The following OR2T27 variants were observed in gnomAD, a reference collection of about 807,000 sequenced individuals.
OR2T27 encodes olfactory receptor 2T27.
For synonymous variants in OR2T27, 51 were observed against 152.9 expected, an observed-to-expected ratio of 0.33 and a Z score of 4.92; for missense variants, 152 against 397.2, an observed-to-expected ratio of 0.38 and a Z score of 5.25.
rs1938148 is a variant in OR2T27 at position 248,650,042 on chromosome 1, A to G, written c.843T>C (p.Leu281=). ...DKAVSAFYTI[L]TPMLNPLIYS... The stretch of plus-strand genomic sequence containing the variant: ...AAATGAGTGGATTGAGCATGGGAGT[A>G]AGGATGGTGTAGAAGGCAGATACAG... Residue 281 remains leucine, a synonymous_variant, in exon 2 of 2, where the codon CTT becomes CTC. Transcript: ENST00000460972. 0.013 allele frequency: 19,383 copies of G among 1,480,334 alleles called. 2,249 individuals carry two copies. In the African/African-American group the frequency reaches 0.2, roughly 15 times the overall value. 91.7% of individuals were successfully genotyped at this position (1,480,334 alleles called of 1,614,324 possible). A position where few individuals can be genotyped will look rare whatever the true frequency, so the allele number is the denominator to read the frequency against.
At chr1:248,655,268 T>C (rs1425399234) in intron 1 of OR2T27, among the ~76,000 whole-genome samples, 176 bp downstream of exon 1, 3 of 128,110 alleles carry the variant, frequency 2.3e-5, no homozygotes, top group Non-Finnish European at 3.5e-5. Context: ...AGAAACGAGA[T>C]TGAATTATCT....
Position 248,649,861 on chromosome 1 carries a change from T to C in OR2T27, c.*70A>G. On this transcript the variant is annotated 3_prime_UTR_variant, in exon 2 of 2. Transcript: ENST00000460972. Reference sequence around the variant, plus strand: ...GTCACTTGTTTCCAGGCAGAGAATATTTAAATTCAAGGGCAATGATAAAGT... The same window carrying C: ...GTCACTTGTTTCCAGGCAGAGAATACTTAAATTCAAGGGCAATGATAAAGT... The C allele has an allele frequency of 9.3e-7, 1 of 1,080,326 alleles. No homozygotes were observed. The highest frequency in any genetic ancestry group is 2.5e-5 in the East Asian group (1 of 40,240). The allele number at this position is 1,080,326 out of a possible 1,614,324, so 66.9% of individuals were successfully genotyped here.
rs1320432510 is a variant in OR2T27 at position 248,650,211 on chromosome 1, A to G, written c.674T>C (p.Val225Ala). 1 of 1,500,374 alleles carries G rather than the reference A, an allele frequency of 6.7e-7. No homozygotes were observed. Among genetic ancestry groups the G allele is most frequent in the Non-Finnish European group, 9.1e-7 (1 of 1,096,764 alleles). The allele number at this position is 1,500,374 out of a possible 1,614,324, so 92.9% of individuals were successfully genotyped here. The change falls in exon 2 of 2, where the codon GTT becomes GCT. Residue 225 changes from valine (V) to alanine (A), a missense_variant. Transcript: ENST00000460972. Reference sequence around the variant, plus strand: ...CCCCTCTGCCTCGCTCATCCTATAAACAGTAATGAGAATTCTTGTGTAAGA... The same window carrying G: ...CCCCTCTGCCTCGCTCATCCTATAAGCAGTAATGAGAATTCTTGTGTAAGA... ...SGSYTRILITVYRMSEAEGRG... is the reference protein window; with the variant it reads ...SGSYTRILITAYRMSEAEGRG...
At chr1:248,652,278 A>G (rs73142456) in intron 1 of OR2T27, among the ~76,000 whole-genome samples, 7,805 of 150,830 alleles carry the variant, frequency 0.052, 372 homozygotes, top group African/African-American at 0.18. Flanking sequence ...ACGTTTCCAA[A>G]CAACTTTGTA....
In OR2T27 at chr1:248,650,642, CATTTTGGGCACA is replaced by C. The variant is rs368069888; in HGVS notation, c.231_242del (p.Ile77_Lys80del). 8.4e-3 allele frequency: 12,469 copies of C among 1,487,880 alleles called. 1 individual carries two copies. Among genetic ancestry groups the C allele is most frequent in the Non-Finnish European group, 9.8e-3 (10,529 of 1,073,338 alleles). The allele number at this position is 1,487,880 out of a possible 1,614,324, so 92.2% of individuals were successfully genotyped here. A position where few individuals can be genotyped will look rare whatever the true frequency, so the allele number is the denominator to read the frequency against. ...TCTGGCTCATCACCTGGTCGACCAG[CATTTTGGGCACA>C]ATGGTGGAAATATACAGGATGTCCC... On this transcript the variant is annotated inframe_deletion, in exon 2 of 2. Coordinates refer to ENST00000460972, the MANE Select transcript of OR2T27 (RefSeq NM_001001824.2).
Position 248,652,916 on chromosome 1 carries a change from G to A in OR2T27, c.-4-2028C>T, listed in dbSNP as rs761068123. Reference sequence around the variant, plus strand: ...AAAGGCAAACATTTAGTAGCAATTCGTATGATGGAGAGTGCTGAATGCTCA... The same window carrying A: ...AAAGGCAAACATTTAGTAGCAATTCATATGATGGAGAGTGCTGAATGCTCA... On this transcript the variant is annotated intron_variant, in intron 1 of 1. Coordinates refer to ENST00000460972, the MANE Select transcript of OR2T27 (RefSeq NM_001001824.2). Among the ~76,000 whole-genome samples the A allele has an allele frequency of 7.8e-3, 1,071 of 136,570 alleles. 1 individual carries two copies. Among genetic ancestry groups the A allele is most frequent in the African/African-American group, 0.012 (458 of 37,838 alleles). 89.6% of individuals were successfully genotyped at this position (136,570 alleles called of 152,430 possible). A position where few individuals can be genotyped will look rare whatever the true frequency, so the allele number is the denominator to read the frequency against.
rs146075383 is a variant in OR2T27 at position 248,649,838 on chromosome 1, C to A, written c.*93G>T. The A allele has an allele frequency of 1.7e-3, 1,521 of 881,454 alleles. 107 individuals carry two copies. The African/African-American group carries it at 0.024, about 14-fold the overall frequency. The allele number at this position is 881,454 out of a possible 1,614,324, so 54.6% of individuals were successfully genotyped here. ...GCCCCACAGTTGGTGGCATGTGGGT[C>A]ACTTGTTTCCAGGCAGAGAATATTT... On this transcript the variant is annotated 3_prime_UTR_variant, in exon 2 of 2. Coordinates refer to ENST00000460972, the MANE Select transcript of OR2T27 (RefSeq NM_001001824.2).
intron 1 of OR2T27, among the ~76,000 whole-genome samples, chr1:248,651,968 AAT>A (rs1316836228): frequency 3.3e-5 from 5 of 150,646 alleles, no homozygotes; most frequent in Non-Finnish European, 5.9e-5. Flanking sequence ...ATATTTGGAT[AAT>A]ATAGATTAAA....
chr1:248,650,914 A>G (rs369477862), intron 1 of OR2T27, 26 bp from the exon 2 acceptor site: 49 of 1,326,338 alleles, frequency 3.7e-5, no homozygotes, highest in Non-Finnish European at 3.0e-5. Flanking sequence ...AAGAGATATG[A>G]CAAAGTTGGA....
At chr1:248,651,599 T>TAA (rs1464608131) in intron 1 of OR2T27, 2 of 70,980 alleles carry the variant, frequency 2.8e-5, no homozygotes, top group Non-Finnish European at 4.8e-5. Flanking sequence ...TACAACTCGT[T>TAA]AAAGTGTTAG....
chr1:248,653,128 G>A (rs558921974), intron 1 of OR2T27, among the ~76,000 whole-genome samples: 26 of 133,540 alleles, frequency 1.9e-4, no homozygotes, highest in African/African-American at 6.6e-4. Context: ...TATCAGGGCA[G>A]CTGTGTCCTG....
At chr1:248,652,885 A>T (rs1661050450) in intron 1 of OR2T27, among the ~76,000 whole-genome samples, 1 of 150,688 alleles carries the variant, frequency 6.6e-6, no homozygotes, top group Non-Finnish European at 1.5e-5. Context: ...AACCAGTGGG[A>T]AAATTAAAGG....
At chr1:248,651,955 G>T (rs1237143652) in intron 1 of OR2T27, among the ~76,000 whole-genome samples, 4 of 147,670 alleles carry the variant, frequency 2.7e-5, no homozygotes, top group Non-Finnish European at 4.5e-5. Context: ...GTAACTTTTA[G>T]ATATATTTGG....
intron 1 of OR2T27, among the ~76,000 whole-genome samples, chr1:248,655,101 G>A (rs188597691): frequency 8.8e-5 from 3 of 33,970 alleles, no homozygotes; most frequent in African/African-American, 1.0e-4. Flanking sequence ...GGAATACTAC[G>A]ATTTAGATAA....
At chr1:248,653,492 A>G (rs1661062894) in intron 1 of OR2T27, among the ~76,000 whole-genome samples, 1 of 122,926 alleles carries the variant, frequency 8.1e-6, no homozygotes, top group Non-Finnish European at 1.8e-5. Context: ...GTGATTGAAT[A>G]TGAGACACTC....
intron 1 of OR2T27, among the ~76,000 whole-genome samples, chr1:248,651,113 AT>A: frequency 1.9e-5 from 1 of 52,352 alleles, no homozygotes; most frequent in East Asian, 5.7e-4. Context: ...AGAGTTCATG[AT>A]CAAACAATCT....
Position 248,653,408 on chromosome 1 carries a change from C to T in OR2T27, c.-5+2036G>A, listed in dbSNP as rs1179225801. 2.1e-5 allele frequency among the ~76,000 whole-genome samples: 3 copies of T among 142,124 alleles called. 1 individual carries two copies. The highest frequency in any genetic ancestry group is 2.2e-4 in the East Asian group (1 of 4,616). 93.2% of individuals were successfully genotyped at this position (142,124 alleles called of 152,430 possible). On this transcript the variant is annotated intron_variant, in intron 1 of 1. Transcript: ENST00000460972. ...ATAACTGTCTATGCATAATTCCAAA[C>T]CTTAGTAAACGTCCAGTTCTATGTA...
chr1:248,650,067 G>C lies in OR2T27; in HGVS notation c.818C>G (p.Ala273Gly), dbSNP rs750254363. The change falls in exon 2 of 2, where the codon GCT (alanine) becomes GGT (glycine). Residue 273 changes from alanine to glycine, a missense_variant. Physicochemically the swap from Ala to Gly is moderately conservative, Grantham distance 60. Coordinates refer to ENST00000460972, the MANE Select transcript of OR2T27 (RefSeq NM_001001824.2). ...HSYHTPEQDK[A>G]VSAFYTILTP... ...AAGGATGGTGTAGAAGGCAGATACAGCTTTGTCCTGCTCAGGGGTGTGGTA... is the reference window on the plus strand; with the variant it reads ...AAGGATGGTGTAGAAGGCAGATACACCTTTGTCCTGCTCAGGGGTGTGGTA... 3.2e-4 allele frequency: 504 copies of C among 1,572,536 alleles called. 36 individuals are homozygous for C. Among genetic ancestry groups the C allele is most frequent in the Middle Eastern group, 1.0e-3 (6 of 6,008 alleles).
At chr1:248,653,489 AAT>A (rs1412276368) in intron 1 of OR2T27, among the ~76,000 whole-genome samples, 4 of 124,768 alleles carry the variant, frequency 3.2e-5, no homozygotes, top group African/African-American at 7.7e-5. Context: ...GCTGTGATTG[AAT>A]ATGAGACACT....
Sources: gnomAD v4.1 joint callset for allele counts (sites outside exome capture counted in the v4.1 genomes callset) on GRCh38, gnomAD v4.1.1 for gene constraint, MANE v1.5 for transcripts, NCBI Gene and HGNC (gene_info 2026-07-23, HGNC 2026-07-21) for gene names.